The following ARAP3 variants were observed in gnomAD, a reference collection of about 807,000 sequenced individuals.
The protein encoded by ARAP3 is arf-GAP with Rho-GAP domain, ANK repeat and PH domain-containing protein 3.
Under a neutral mutation model 169.2 loss-of-function variants are expected in ARAP3, and 82 were observed. The observed-to-expected ratio is 0.48, with a 90% CI of 0.41 to 0.58. ARAP3 has a LOEUF of 0.58. ARAP3 is among the 20% of genes least tolerant of loss of function. The pLI is 0.00. For synonymous variants in ARAP3, 791 were observed against 800.3 expected, an observed-to-expected ratio of 0.99 and a Z score of 0.20; for missense variants, 1,764 against 2,018.0, an observed-to-expected ratio of 0.87 and a Z score of 2.41.
chr5:141,667,011 G>A (rs1562413951), intron 16 of ARAP3, among the ~76,000 whole-genome samples: 1 of 152,108 alleles, frequency 6.6e-6, no homozygotes, highest in Non-Finnish European at 1.5e-5. Flanking sequence ...CCCAGCTCAG[G>A]TGATCTTCCC....
chr5:141,666,153 T>A (rs1460341479), intron 17 of ARAP3, among the ~76,000 whole-genome samples: 1 of 152,008 alleles, frequency 6.6e-6, no homozygotes, highest in East Asian at 1.9e-4. Context: ...TATTTGAACC[T>A]CACTACAACC....
chr5:141,654,064 G>C lies in ARAP3; in HGVS notation c.4521C>G (p.Ser1507=). 1 of 1,605,754 alleles carries C rather than the reference G, an allele frequency of 6.2e-7. No individual in the cohort carries two copies. Among genetic ancestry groups the C allele is most frequent in the Non-Finnish European group, 8.5e-7 (1 of 1,175,640 alleles). Reference sequence around the variant, plus strand: ...TGGGGGATTGGGGGCTGGATGGCTGGGAAGGACTTCCCAGGCCTGCAGTGG... The same window carrying C: ...TGGGGGATTGGGGGCTGGATGGCTGCGAAGGACTTCCCAGGCCTGCAGTGG... The part of the protein sequence containing the change: ...GETTAGLGSP[S]QPSSPQSPSP... Residue 1507 remains serine (S), a synonymous_variant, in exon 33 of 33, where the codon TCC becomes TCG. Coordinates refer to ENST00000239440, the MANE Select transcript of ARAP3 (RefSeq NM_022481.6).
chr5:141,676,574 C>T (rs1433725370), intron 4 of ARAP3, among the ~76,000 whole-genome samples: 1 of 152,148 alleles, frequency 6.6e-6, no homozygotes, highest in Non-Finnish European at 1.5e-5. Flanking sequence ...TCCTATCATA[C>T]TCAGCAGCAG....
chr5:141,658,337 A>G, intron 25 of ARAP3, 28 bp downstream of exon 25: 1 of 1,602,910 alleles, frequency 6.2e-7, no homozygotes, highest in South Asian at 1.1e-5. Context: ...ATACACATGC[A>G]TGAACACACA....
rs1003555643 is a variant in ARAP3 at position 141,673,593 on chromosome 5, C to T, written c.902+12G>A. On this transcript the variant is annotated intron_variant, in intron 5 of 32. Coordinates refer to ENST00000239440, the MANE Select transcript of ARAP3 (RefSeq NM_022481.6). ...CTCTCTTTTCTCCCTCCCTTCCCCT[C>T]CCAGCACCCACCCCTGAGGGGAGAG... is the stretch of plus-strand genomic sequence containing the variant. The T allele has an allele frequency of 7.4e-6, 12 of 1,613,270 alleles. No homozygotes were observed. The highest frequency in any genetic ancestry group is 1.0e-5 in the Non-Finnish European group (12 of 1,179,384).
intron 13 of ARAP3, among the ~76,000 whole-genome samples, chr5:141,670,852 C>T (rs770736469): frequency 1.1e-4 from 17 of 152,202 alleles, no homozygotes; most frequent in Non-Finnish European, 2.4e-4. Context: ...TGCCCACTGC[C>T]TCTCCCTACC....
chr5:141,670,084 C>T, intron 14 of ARAP3, 21 bp from the exon 15 acceptor site: 1 of 1,581,450 alleles, frequency 6.3e-7, no homozygotes, highest in Non-Finnish European at 8.5e-7. Context: ...GGGAGATAGT[C>T]AGGGAGCAGC....
In ARAP3 at chr5:141,672,689, G is replaced by A; in HGVS notation, c.1279-31C>T. The A allele has an allele frequency of 1.9e-6, 3 of 1,613,962 alleles. No individual in the cohort carries two copies. Among genetic ancestry groups the A allele is most frequent in the East Asian group, 2.2e-5 (1 of 44,882 alleles). On this transcript the variant is annotated intron_variant, in intron 8 of 32. Transcript: ENST00000239440. The surrounding 1 kb of genome is among the most constrained non-coding windows in gnomAD (Gnocchi z 4.9). The stretch of plus-strand genomic sequence containing the variant: ...GGGGTCAGGGGGTGGGCATCATGAG[G>A]TGCCAGAAGGGACTAGTTCAGGCCC...
chr5:141,675,972 G>A (rs1260800370), intron 4 of ARAP3, among the ~76,000 whole-genome samples: 2 of 151,984 alleles, frequency 1.3e-5, no homozygotes, highest in Admixed American at 6.6e-5. Flanking sequence ...CAATCACTTA[G>A]ACATCCCTCA....
Position 141,680,126 on chromosome 5 carries a change from C to A in ARAP3, c.361G>T (p.Gly121Trp), listed in dbSNP as rs149980057. 3 of 1,611,422 alleles carry A rather than the reference C, an allele frequency of 1.9e-6. No individual in the cohort carries two copies. Among genetic ancestry groups the A allele is most frequent in the East Asian group, 4.5e-5 (2 of 44,854 alleles). Residue 121 changes from glycine (G) to tryptophan (W), a missense_variant, in exon 2 of 33, where the codon GGG (glycine) becomes TGG (tryptophan). Coordinates refer to ENST00000239440, the MANE Select transcript of ARAP3 (RefSeq NM_022481.6). Reference sequence around the variant, plus strand: ...GGGCTCCTGGACACTCCTGGTCCCCCGAGGGCTGGGCTCAGCCCAGGTCTC... The same window carrying A: ...GGGCTCCTGGACACTCCTGGTCCCCAGAGGGCTGGGCTCAGCCCAGGTCTC... ...TQRPGLSPAL[G>W]GPGVSRSPEP...
At chr5:141,655,258 A>ACACACC (rs1491503001) in intron 32 of ARAP3, 104 bp downstream of exon 32, 270 of 1,109,368 alleles carry the variant, frequency 2.4e-4, no homozygotes, top group South Asian at 1.8e-3. Context: ...ACACACACAC[A>ACACACC]CCCCCTGATG....
At chr5:141,655,172 CCT>C (rs1386044292) in intron 32 of ARAP3, among the ~76,000 whole-genome samples, 188 bp downstream of exon 32, 1 of 134,264 alleles carries the variant, frequency 7.4e-6, no homozygotes, top group African/African-American at 2.8e-5. Context: ...ACACACACAC[CCT>C]GATGGCCTAC....
chr5:141,666,023 A>C (rs2099910577), intron 17 of ARAP3, among the ~76,000 whole-genome samples: 1 of 144,808 alleles, frequency 6.9e-6, no homozygotes, highest in Non-Finnish European at 1.5e-5. Context: ...TGGGGGACAG[A>C]GCGTGACTCT....
chr5:141,657,971 T>C (rs1033640793), intron 25 of ARAP3, among the ~76,000 whole-genome samples: 1 of 152,056 alleles, frequency 6.6e-6, no homozygotes, highest in Non-Finnish European at 1.5e-5. Flanking sequence ...GGGCCAGATA[T>C]ACAAATTTGG....
chr5:141,680,374 C>A lies in ARAP3; in HGVS notation c.113G>T (p.Gly38Val), dbSNP rs2099912796. The A allele has an allele frequency of 6.2e-7, 1 of 1,614,176 alleles. No individual in the cohort carries two copies. The highest frequency in any genetic ancestry group is 8.5e-7 in the Non-Finnish European group (1 of 1,180,038). Residue 38 changes from glycine (G) to valine (V), a missense_variant, in exon 2 of 33, where the codon GGC becomes GTC. Gly to Val is a moderately radical substitution (Grantham distance 109). Coordinates refer to ENST00000239440, the MANE Select transcript of ARAP3 (RefSeq NM_022481.6). ...HGLATAGAARGLGHEELKQLG... is the reference protein window; with the variant it reads ...HGLATAGAARVLGHEELKQLG... The stretch of plus-strand genomic sequence containing the variant: ...CTGCTTCAACTCCTCGTGGCCCAGG[C>A]CCCGGGCTGCACCTGCTGTAGCCAG...
In ARAP3 at chr5:141,664,963, G is replaced by A. The variant is rs2099910447; in HGVS notation, c.2759C>T (p.Pro920Leu). The A allele has an allele frequency of 4.3e-6, 7 of 1,612,342 alleles. No homozygotes were observed. Among genetic ancestry groups the A allele is most frequent in the Non-Finnish European group, 5.9e-6 (7 of 1,179,788 alleles). The stretch of plus-strand genomic sequence containing the variant: ...ACTGATGCAGGCATCCACGATGATG[G>A]GGATGTCACCCCGGCTCATCTGCTG... ...QEQQMSRGDI[P>L]IIVDACISFV... The change falls in exon 19 of 33, where the codon CCC (proline) becomes CTC (leucine). Residue 920 changes from proline (P) to leucine (L), a missense_variant. Around this residue, in one of 3 missense-constraint regions of ARAP3, gnomAD observed 1,112 missense variants for 1,285.7 expected, o/e 0.86. Coordinates refer to ENST00000239440, the MANE Select transcript of ARAP3 (RefSeq NM_022481.6).
At chr5:141,673,197 G>C (rs2099911675) in intron 6 of ARAP3, 64 bp from the exon 7 acceptor site, 2 of 1,607,454 alleles carry the variant, frequency 1.2e-6, no homozygotes, top group Admixed American at 1.7e-5. Context: ...CAGCCCCTGG[G>C]TCCTGCCCCA....
rs1363208214 is a variant in ARAP3 at position 141,680,088 on chromosome 5, T to G, written c.399A>C (p.Pro133=). 1 of 1,613,710 alleles carries G rather than the reference T, an allele frequency of 6.2e-7. No homozygotes were observed. The highest frequency in any genetic ancestry group is 8.5e-7 in the Non-Finnish European group (1 of 1,179,920). ...AGGAAGTGGGGAGAGGAGGAGGCCT[T>G]GGGCTGGGCTCTGGGCTCCTGGACA... ...PGVSRSPEPS[P]RPPPLPTSSS... is the part of the protein sequence containing the mutation. The change falls in exon 2 of 33, where the codon CCA becomes CCC. Residue 133 remains proline (P), a synonymous_variant. Coordinates refer to ENST00000239440, the MANE Select transcript of ARAP3 (RefSeq NM_022481.6).
At position 141,671,532 on chromosome 5, in the gene ARAP3, C is replaced by A; in HGVS notation, c.1854+38G>T. The A allele has an allele frequency of 6.2e-7, 1 of 1,611,530 alleles. No individual in the cohort carries two copies. The highest frequency in any genetic ancestry group is 8.5e-7 in the Non-Finnish European group (1 of 1,179,160). Reference sequence around the variant, plus strand: ...CCAACTCCAGAGAGTGTTTCCTGACCCCCCCACCCCAGATCACCCCTGCTC... The same window carrying A: ...CCAACTCCAGAGAGTGTTTCCTGACACCCCCACCCCAGATCACCCCTGCTC... On this transcript the variant is annotated intron_variant, in intron 12 of 32. Transcript: ENST00000239440. The surrounding 1 kb of genome is among the most constrained non-coding windows in gnomAD (Gnocchi z 4.9).
Sources: gnomAD v4.1 joint callset for allele counts (sites outside exome capture counted in the v4.1 genomes callset) on GRCh38, gnomAD v4.1.1 for gene constraint, gnomAD v4.1.1 regional missense constraint, Gnocchi (gnomAD v3.1) non-coding constraint, MANE v1.5 for transcripts, NCBI Gene and HGNC (gene_info 2026-07-23, HGNC 2026-07-21) for gene names.